FOXP2: variants seen among roughly 807,000 people sequenced by gnomAD.
The protein encoded by FOXP2 is forkhead box protein P2.
FOXP2 carries 12 observed loss-of-function variants against 115.8 expected under a neutral mutation model. That is an observed-to-expected ratio of 0.10 (90% CI 0.07 to 0.17). The LOEUF (loss-of-function observed/expected upper bound fraction) is 0.17. Among genes scored for constraint, FOXP2 ranks in the 10% least tolerant of loss-of-function variants. FOXP2 has a pLI of 1.00. For synonymous variants in FOXP2, 328 were observed against 297.7 expected (o/e 1.10, Z -1.05); for missense variants, 629 against 843.5 (o/e 0.75, Z 3.15).
chr7:114,575,262 C>T (rs1238591622), intron 3 of FOXP2, among the ~76,000 whole-genome samples: 1 of 151,710 alleles, frequency 6.6e-6, no homozygotes, highest in East Asian at 1.9e-4. Flanking sequence ...AATATGATAA[C>T]CCTAAAAAGT....
chr7:114,384,922 C>T (rs1202496447), intron 2 of FOXP2, among the ~76,000 whole-genome samples: 3 of 151,858 alleles, frequency 2.0e-5, no homozygotes, highest in Admixed American at 1.3e-4. Flanking sequence ...AACAAAGTGA[C>T]AATTATCAAT....
rs184310663 is a variant in FOXP2 at position 114,138,180 on chromosome 7, A to G, written c.-246-24764A>G. Among the ~76,000 whole-genome samples, 23 of 152,328 alleles carry G rather than the reference A, an allele frequency of 1.5e-4. No homozygotes were observed. The East Asian group carries it at 3.9e-3, about 26-fold the overall frequency. On this transcript the variant is annotated intron_variant, in intron 1 of 19. Transcript: ENST00000635638. ...AGATACTTAACCCCCAAGGAGGTAC[A>G]GCATAACTCCCTACTCCTTCAGTGT...
chr7:114,321,635 C>T (rs1003815950), intron 2 of FOXP2, among the ~76,000 whole-genome samples: 2 of 152,228 alleles, frequency 1.3e-5, no homozygotes, highest in South Asian at 2.1e-4. Context: ...TTGTAGCAAA[C>T]GTGTGTATAA....
At chr7:114,557,989 A>T (rs1800551276) in intron 3 of FOXP2, among the ~76,000 whole-genome samples, 1 of 151,794 alleles carries the variant, frequency 6.6e-6, no homozygotes, top group Non-Finnish European at 1.5e-5. Context: ...TTGTATTTTT[A>T]GTAGAGATGG....
intron 2 of FOXP2, among the ~76,000 whole-genome samples, chr7:114,447,367 C>A (rs1584746861): frequency 6.6e-6 from 1 of 151,986 alleles, no homozygotes; most frequent in Non-Finnish European, 1.5e-5. Context: ...GAAGATACTT[C>A]GCACCCTTCG....
chr7:114,284,360 C>T (rs150972080), intron 1 of FOXP2, among the ~76,000 whole-genome samples: 2 of 151,960 alleles, frequency 1.3e-5, no homozygotes, highest in African/African-American at 4.8e-5. Context: ...AACCCAGAAC[C>T]AGGACAGTGT....
intron 16 of FOXP2, chr7:114,669,284 T>C (rs1807360258): frequency 6.6e-6 from 1 of 152,050 alleles, no homozygotes; most frequent in Non-Finnish European, 1.5e-5. Context: ...TAGGAAAGGT[T>C]AAAGCCAGGC....
chr7:114,360,356 C>G (rs1791718512), intron 2 of FOXP2, among the ~76,000 whole-genome samples: 1 of 152,080 alleles, frequency 6.6e-6, no homozygotes, highest in African/African-American at 2.4e-5. Context: ...CTACTACATC[C>G]TTCCTTTTCT....
intron 2 of FOXP2, among the ~76,000 whole-genome samples, chr7:114,500,121 C>A (rs1040943288): frequency 1.8e-4 from 27 of 147,544 alleles, no homozygotes; most frequent in African/African-American, 6.5e-4. Context: ...GAGGCTGAGG[C>A]AGGAGAATGG....
At chr7:114,412,322 A>G (rs931617428), upstream of FOXP2, among the ~76,000 whole-genome samples, 3 of 152,152 alleles carry the variant, frequency 2.0e-5, no homozygotes, top group African/African-American at 7.2e-5. Context: ...ATGTTAAGCA[A>G]AATTTGATTG....
Position 114,457,247 on chromosome 7 carries a change from G to A in FOXP2, c.168+30568G>A, listed in dbSNP as rs999128533. Among the ~76,000 whole-genome samples the A allele has an allele frequency of 5.3e-5, 8 of 152,158 alleles. No individual in the cohort carries two copies. In the South Asian group the frequency reaches 1.7e-3, roughly 32 times the overall value. On this transcript the variant is annotated intron_variant, in intron 2 of 16. Coordinates refer to ENST00000350908, the MANE Select transcript of FOXP2 (RefSeq NM_014491.4). ...GTAGAAACTGTTTCACTGTATATAA[G>A]TATATCAAAACCATATTGTTCATCT...
chr7:114,251,788 C>T (rs1454890201), intron 1 of FOXP2, among the ~76,000 whole-genome samples: 2 of 152,174 alleles, frequency 1.3e-5, no homozygotes, highest in Non-Finnish European at 1.5e-5. Context: ...TTCTTTCTTT[C>T]TCCTGCCTGA....
chr7:114,156,785 G>A (rs1792683204), intron 1 of FOXP2, among the ~76,000 whole-genome samples: 1 of 152,122 alleles, frequency 6.6e-6, no homozygotes, highest in Admixed American at 6.6e-5. Flanking sequence ...CATATTGTAT[G>A]TAGTGGGCCT....
rs1301168232 is a variant in FOXP2 at position 114,415,353 on chromosome 7, C to T, written c.-18C>T. On this transcript the variant is annotated 5_prime_UTR_variant, in exon 1 of 17. Transcript: ENST00000350908. ...ACCGGGAAGTTTGCTCTAACATTTCCAGAGAAGGTACGTTACTTTTTGCTA... is the reference window on the plus strand; with the variant it reads ...ACCGGGAAGTTTGCTCTAACATTTCTAGAGAAGGTACGTTACTTTTTGCTA... The T allele has an allele frequency of 4.4e-6, 2 of 450,480 alleles. No individual in the cohort carries two copies. The highest frequency in any genetic ancestry group is 8.9e-6 in the Non-Finnish European group (2 of 225,688). 27.9% of individuals were successfully genotyped at this position (450,480 alleles called of 1,614,324 possible).
chr7:114,164,433 C>T (rs1339859400), intron 1 of FOXP2, among the ~76,000 whole-genome samples: 2 of 151,808 alleles, frequency 1.3e-5, no homozygotes, highest in Non-Finnish European at 1.5e-5. Flanking sequence ...CAACCTCCCC[C>T]TCCTGGATTC....
Position 114,627,950 on chromosome 7 carries a change from A to G in FOXP2, c.259-590A>G, listed in dbSNP as rs1474638575. Among the ~76,000 whole-genome samples the G allele has an allele frequency of 2.0e-5, 3 of 152,050 alleles. No individual in the cohort carries two copies. In the East Asian group the frequency reaches 5.8e-4, roughly 29 times the overall value. The stretch of plus-strand genomic sequence containing the variant: ...CAGACACACACACACATATATATAT[A>G]TATCTCCTATATGAATTATCACATG... On this transcript the variant is annotated intron_variant, in intron 3 of 16. Transcript: ENST00000350908.
chr7:114,144,776 A>G (rs1309527981), intron 1 of FOXP2, among the ~76,000 whole-genome samples: 3 of 152,132 alleles, frequency 2.0e-5, no homozygotes, highest in Non-Finnish European at 2.9e-5. Context: ...AGAGTGATCA[A>G]TGAACAGGCA....
intron 2 of FOXP2, among the ~76,000 whole-genome samples, chr7:114,485,497 T>C (rs1021461036): frequency 6.7e-6 from 1 of 148,380 alleles, no homozygotes; most frequent in Admixed American, 6.9e-5. Context: ...AGCAAACATA[T>C]AATCTGAATA....
chr7:114,092,526 T>TAA (rs962061747), intron 1 of FOXP2, among the ~76,000 whole-genome samples: 1 of 145,438 alleles, frequency 6.9e-6, no homozygotes. Context: ...TTCTCAACCT[T>TAA]AAAAAAAAAA....
Sources: gnomAD v4.1 joint callset for allele counts (sites outside exome capture counted in the v4.1 genomes callset) on GRCh38, gnomAD v4.1.1 for gene constraint, MANE v1.5 for transcripts, NCBI Gene and HGNC (gene_info 2026-07-23, HGNC 2026-07-21) for gene names.